Variants in ARHGAP24 observed in about 807,000 individuals in gnomAD.
ARHGAP24 encodes Rho GTPase activating protein 24, also known as rho GTPase-activating protein 24.
ARHGAP24 carries 50 observed loss-of-function variants against 76.4 expected under a neutral mutation model. The observed-to-expected ratio is 0.65, with a 90% CI of 0.52 to 0.83. The LOEUF (loss-of-function observed/expected upper bound fraction) is 0.83. Among genes scored for constraint, ARHGAP24 ranks in the 40% least tolerant of loss-of-function variants. The probability of loss-of-function intolerance (pLI) is 0.00; values close to 1 mark genes in which losing one functional copy is unlikely to be tolerated. For synonymous variants in ARHGAP24, 345 were observed against 323.3 expected, an observed-to-expected ratio of 1.07 and a Z score of -0.72; for missense variants, 930 against 914.2, an observed-to-expected ratio of 1.02 and a Z score of -0.22.
In ARHGAP24 at chr4:86,002,267, G is replaced by C. The variant is rs1032085836; in HGVS notation, c.*1545G>C. On this transcript the variant is annotated 3_prime_UTR_variant, in exon 10 of 10. Transcript: ENST00000395184. ...CTGCTTTCATCCTTGCCACTGTCTTGCTTTTATTTTTTACTCTCCCACTGA... is the reference window on the plus strand; with the variant it reads ...CTGCTTTCATCCTTGCCACTGTCTTCCTTTTATTTTTTACTCTCCCACTGA... The C allele has an allele frequency of 6.6e-6, 1 of 152,148 alleles. No homozygotes were observed. The highest frequency in any genetic ancestry group is 2.4e-5 in the African/African-American group (1 of 41,418). The allele number at this position is 152,148 out of a possible 1,614,324, so 9.4% of individuals were successfully genotyped here.
At chr4:85,530,929 A>G (rs1181909411) in intron 1 of ARHGAP24, among the ~76,000 whole-genome samples, 1 of 152,100 alleles carries the variant, frequency 6.6e-6, no homozygotes, top group South Asian at 2.1e-4. Flanking sequence ...ACTGTTTTCC[A>G]TAATCAAGGG....
intron 3 of ARHGAP24, among the ~76,000 whole-genome samples, chr4:85,874,535 G>A (rs957887947): frequency 6.6e-6 from 1 of 151,734 alleles, no homozygotes; most frequent in South Asian, 2.1e-4. Flanking sequence ...CTTTCTCTTT[G>A]ATTGTGAGAA....
chr4:85,674,926 A>G (rs1382136583), intron 2 of ARHGAP24, among the ~76,000 whole-genome samples: 6 of 152,260 alleles, frequency 3.9e-5, no homozygotes, highest in African/African-American at 1.4e-4. Context: ...ATGTACGTCT[A>G]GCCAATTAGA....
intron 3 of ARHGAP24, among the ~76,000 whole-genome samples, chr4:85,816,056 C>T (rs956869903): frequency 1.3e-5 from 2 of 152,110 alleles, no homozygotes; most frequent in Admixed American, 1.3e-4. Flanking sequence ...GGGAAACCAC[C>T]CCCACAATCC....
intron 1 of ARHGAP24, among the ~76,000 whole-genome samples, chr4:85,496,956 G>A (rs1481070979): frequency 6.6e-6 from 1 of 152,216 alleles, no homozygotes; most frequent in Non-Finnish European, 1.5e-5. Flanking sequence ...AAGTGGACAA[G>A]GAAGGAAGTC....
At chr4:85,477,753 A>T (rs1410386629) in intron 1 of ARHGAP24, among the ~76,000 whole-genome samples, 1 of 152,178 alleles carries the variant, frequency 6.6e-6, no homozygotes, top group African/African-American at 2.4e-5. Flanking sequence ...CTACTGGCCC[A>T]TTGACGAGTG....
At chr4:85,993,535 C>T (rs1443093795) in intron 8 of ARHGAP24, among the ~76,000 whole-genome samples, 2 of 152,038 alleles carry the variant, frequency 1.3e-5, no homozygotes, top group Non-Finnish European at 2.9e-5. Flanking sequence ...CAGGTGTCAC[C>T]GGAAGCTAAA....
At chr4:85,815,689 T>G (rs994285837) in intron 3 of ARHGAP24, among the ~76,000 whole-genome samples, 5 of 152,218 alleles carry the variant, frequency 3.3e-5, no homozygotes, top group African/African-American at 1.2e-4. Flanking sequence ...TTTTCCTGTC[T>G]TCTTCTGAGC....
At chr4:85,949,931 C>G (rs970315305) in intron 5 of ARHGAP24, among the ~76,000 whole-genome samples, 1 of 152,124 alleles carries the variant, frequency 6.6e-6, no homozygotes, top group Non-Finnish European at 1.5e-5. Context: ...GTTTGCCTTA[C>G]AAGTCATGGG....
chr4:85,776,623 C>A (rs186714048), intron 3 of ARHGAP24, among the ~76,000 whole-genome samples: 1 of 152,206 alleles, frequency 6.6e-6, no homozygotes, highest in East Asian at 1.9e-4. Context: ...TTGCTAGTTC[C>A]TTCTTTGTTT....
chr4:85,780,618 A>G (rs1560629219), intron 3 of ARHGAP24, among the ~76,000 whole-genome samples: 1 of 152,082 alleles, frequency 6.6e-6, no homozygotes, highest in African/African-American at 2.4e-5. Context: ...CCTCTTCATG[A>G]TTATTTTGTG....
intron 5 of ARHGAP24, among the ~76,000 whole-genome samples, chr4:85,944,312 G>A (rs1737123365): frequency 6.6e-6 from 1 of 152,222 alleles, no homozygotes; most frequent in East Asian, 1.9e-4. Flanking sequence ...TCTTAGCATT[G>A]GAGTTTTTGG....
At chr4:85,936,255 T>A in intron 4 of ARHGAP24, among the ~76,000 whole-genome samples, 1 of 152,200 alleles carries the variant, frequency 6.6e-6, no homozygotes, top group Admixed American at 6.5e-5. Context: ...ACCCACGAAC[T>A]ATCAATGAGT....
Position 85,923,751 on chromosome 4 carries a change from A to T in ARHGAP24, c.372A>T (p.Ile124=). The T allele has an allele frequency of 6.2e-7, 1 of 1,614,014 alleles. No homozygotes were observed. The highest frequency in any genetic ancestry group is 8.5e-7 in the Non-Finnish European group (1 of 1,179,932). ...GGGTGAAGTCAATCCGCCGAGTCAT[A>T]TGGGGACCTTTCGGAGGAGGTGAGT... The part of the protein sequence containing the change: ...EDWVKSIRRV[I]WGPFGGGIFG... Residue 124 remains isoleucine (I), a synonymous_variant, in exon 4 of 10, where the codon ATA becomes ATT. Transcript: ENST00000395184.
intron 1 of ARHGAP24, among the ~76,000 whole-genome samples, chr4:85,531,460 A>T (rs1725257577): frequency 6.6e-6 from 1 of 151,964 alleles, no homozygotes; most frequent in Non-Finnish European, 1.5e-5. Flanking sequence ...CTCACAAATG[A>T]CTTTCTAGGG....
chr4:85,776,476 G>C (rs1436230698), intron 3 of ARHGAP24, among the ~76,000 whole-genome samples: 3 of 152,158 alleles, frequency 2.0e-5, no homozygotes, highest in Non-Finnish European at 4.4e-5. Flanking sequence ...TTGCAAAAAT[G>C]TTGTGCCGTT....
chr4:85,607,919 C>T (rs997701023), intron 2 of ARHGAP24, among the ~76,000 whole-genome samples: 3 of 151,592 alleles, frequency 2.0e-5, no homozygotes, highest in Non-Finnish European at 4.4e-5. Context: ...TGCAGACCAA[C>T]GAAAATCTCT....
At chr4:85,973,526 A>G (rs1739114486) in intron 6 of ARHGAP24, among the ~76,000 whole-genome samples, 1 of 152,200 alleles carries the variant, frequency 6.6e-6, no homozygotes, top group Non-Finnish European at 1.5e-5. Context: ...AAAGTTGTAC[A>G]TTTTGATGAA....
Position 85,928,427 on chromosome 4 carries a change from A to G in ARHGAP24, c.391+4657A>G, listed in dbSNP as rs149924012. On this transcript the variant is annotated intron_variant, in intron 4 of 9. Transcript: ENST00000395184. ...CTAGTCCGGAATCTGAGATCTGAGG[A>G]GAGTGAAAATTCATTAATAGTTTTT... Among the ~76,000 whole-genome samples, 149 of 152,122 alleles carry G rather than the reference A, an allele frequency of 9.8e-4. 1 individual carries two copies. Among genetic ancestry groups the G allele is most frequent in the African/African-American group, 2.9e-3 (120 of 41,526 alleles).
Sources: allele counts gnomAD v4.1 joint callset (sites outside exome capture counted in the v4.1 genomes callset), GRCh38; gene constraint gnomAD v4.1.1; transcripts MANE v1.5; gene names NCBI Gene and HGNC (gene_info 2026-07-23, HGNC 2026-07-21).